The following EZH1 variants were observed in gnomAD, a reference collection of about 807,000 sequenced individuals.
EZH1 encodes histone-lysine N-methyltransferase EZH1.
In EZH1, 33 loss-of-function variants were observed where a neutral mutation model predicts 100.5. That is an observed-to-expected ratio of 0.33 (90% CI 0.25 to 0.44). The LOEUF (loss-of-function observed/expected upper bound fraction) is 0.44, where lower values mean the gene tolerates loss of function less well. Among genes scored for constraint, EZH1 ranks in the 20% least tolerant of loss-of-function variants. The pLI is 1.00. For synonymous variants in EZH1, 272 were observed against 313.8 expected, an observed-to-expected ratio of 0.87 and a Z score of 1.41; for missense variants, 475 against 928.4, an observed-to-expected ratio of 0.51 and a Z score of 6.35.
At chr17:42,707,561 A>G (rs1462920830) in intron 15 of EZH1, among the ~76,000 whole-genome samples, 1 of 151,760 alleles carries the variant, frequency 6.6e-6, no homozygotes, top group Non-Finnish European at 1.5e-5. Context: ...ACCTGGCCTA[A>G]TTTTTTTATT....
intron 18 of EZH1, among the ~76,000 whole-genome samples, chr17:42,704,317 T>C (rs923040952): frequency 3.4e-4 from 51 of 152,204 alleles, no homozygotes; most frequent in African/African-American, 1.2e-3. Context: ...GGCGGGTGGA[T>C]CACTTGAGGC....
At chr17:42,738,045 G>A (rs1051399892) in intron 1 of EZH1, among the ~76,000 whole-genome samples, 1 of 151,740 alleles carries the variant, frequency 6.6e-6, no homozygotes, top group South Asian at 2.1e-4. Flanking sequence ...GCATGGTGGC[G>A]GGCACCTGTA....
chr17:42,727,518 C>A, intron 4 of EZH1, 117 bp downstream of exon 4: 1 of 1,264,364 alleles, frequency 7.9e-7, no homozygotes. Context: ...GCTGGGAATA[C>A]TTGTGTGAGC....
Position 42,706,209 on chromosome 17 carries a change from C to T in EZH1, c.1661-24G>A. The T allele has an allele frequency of 6.3e-7, 1 of 1,587,850 alleles. No individual in the cohort carries two copies. Among genetic ancestry groups the T allele is most frequent in the Non-Finnish European group, 8.6e-7 (1 of 1,162,868 alleles). ...ACCTGGGAAGGGAAGACAGGTAAGT[C>T]TTAGAAGGGAAATAAGCTAATACTG... On this transcript the variant is annotated intron_variant, in intron 15 of 20. Coordinates refer to ENST00000428826, the MANE Select transcript of EZH1 (RefSeq NM_001991.5). The surrounding 1 kb of genome is among the most constrained non-coding windows in gnomAD (Gnocchi z 4.4).
intron 19 of EZH1, 129 bp from the exon 20 acceptor site, chr17:42,703,090 T>G (rs2053277939): frequency 2.4e-6 from 2 of 825,976 alleles, no homozygotes; most frequent in Admixed American, 2.0e-5. Flanking sequence ...AAGTAGTCAA[T>G]ATGGTAGTTG....
At chr17:42,721,955 TC>T (rs1432965632) in intron 6 of EZH1, among the ~76,000 whole-genome samples, 1 of 151,240 alleles carries the variant, frequency 6.6e-6, no homozygotes, top group African/African-American at 2.4e-5. Context: ...ATCGAGACCA[TC>T]CTGGCTCACA....
At chr17:42,704,744 C>G in intron 17 of EZH1, 61 bp from the exon 18 acceptor site, 3 of 1,385,298 alleles carry the variant, frequency 2.2e-6, no homozygotes, top group Non-Finnish European at 3.0e-6. Flanking sequence ...GCATGGTACC[C>G]TGCCCCCAGA....
chr17:42,703,961 A>G (rs2053298133), intron 18 of EZH1, 141 bp from the exon 19 acceptor site: 2 of 684,670 alleles, frequency 2.9e-6, no homozygotes, highest in Non-Finnish European at 5.2e-6. Context: ...TAACAGGAGC[A>G]GAGGAAAGCA....
At chr17:42,726,560 G>A (rs2053825419) in intron 4 of EZH1, among the ~76,000 whole-genome samples, 1 of 151,574 alleles carries the variant, frequency 6.6e-6, no homozygotes, top group East Asian at 1.9e-4. Flanking sequence ...TGCCCAGGCT[G>A]AAGTACAATG....
At chr17:42,734,811 T>C (rs954048792) in intron 1 of EZH1, among the ~76,000 whole-genome samples, 1 of 151,788 alleles carries the variant, frequency 6.6e-6, no homozygotes, top group South Asian at 2.1e-4. Context: ...CTGGCCAACA[T>C]AGTGAAACAC....
At chr17:42,725,326 T>C (rs1390317797) in intron 4 of EZH1, among the ~76,000 whole-genome samples, 3 of 151,874 alleles carry the variant, frequency 2.0e-5, no homozygotes, top group Admixed American at 6.6e-5. Context: ...CTGAGTGCAG[T>C]TGTGCAATCA....
rs201762899 is a variant in EZH1, at chr17:42,702,495, G to A, written c.*37C>T. ...GTGTGAGCACGAAAGCCAAGACAGTGCCGCTACCATAAGTGCTGCCGTGGG... is the reference window on the plus strand; with the variant it reads ...GTGTGAGCACGAAAGCCAAGACAGTACCGCTACCATAAGTGCTGCCGTGGG... On this transcript the variant is annotated 3_prime_UTR_variant, in exon 21 of 21. Transcript: ENST00000428826. The A allele has an allele frequency of 1.1e-4, 164 of 1,516,588 alleles. 1 individual carries two copies. In the African/African-American group the frequency reaches 1.4e-3, roughly 13 times the overall value. 93.9% of individuals were successfully genotyped at this position (1,516,588 alleles called of 1,614,324 possible).
At chr17:42,736,719 A>C (rs1231809873) in intron 1 of EZH1, among the ~76,000 whole-genome samples, 1 of 152,030 alleles carries the variant, frequency 6.6e-6, no homozygotes, top group African/African-American at 2.4e-5. Context: ...TTGTAGTCTC[A>C]GCTGCTTGGA....
intron 12 of EZH1, 67 bp from the exon 13 acceptor site, chr17:42,710,004 G>T (rs1434222865): frequency 7.0e-7 from 1 of 1,426,486 alleles, no homozygotes; most frequent in African/African-American, 1.4e-5. Flanking sequence ...GCCCAGCTGG[G>T]TGCTGGCCTT....
At chr17:42,707,861 A>G in intron 15 of EZH1, 97 bp downstream of exon 15, 1 of 1,434,126 alleles carries the variant, frequency 7.0e-7, no homozygotes, top group Middle Eastern at 1.8e-4. Flanking sequence ...GGATATCAGA[A>G]GGCCATAAGC....
intron 14 of EZH1, 148 bp downstream of exon 14, chr17:42,708,728 G>A (rs2053413116): frequency 1.2e-6 from 1 of 822,140 alleles, no homozygotes; most frequent in Non-Finnish European, 2.1e-6. Flanking sequence ...TGCAGTGAGA[G>A]GCTCAGCTGT....
At chr17:42,731,052 A>C (rs991606978) in intron 1 of EZH1, 134 bp from the exon 2 acceptor site, 1 of 181,192 alleles carries the variant, frequency 5.5e-6, no homozygotes, top group Admixed American at 6.5e-5. Context: ...TGTCTAAGAC[A>C]GGTCCCTATA....
In EZH1 at chr17:42,726,765, C is replaced by T. The variant is rs1056587931; in HGVS notation, c.246+870G>A. On this transcript the variant is annotated intron_variant, in intron 4 of 20. Transcript: ENST00000428826. Reference sequence around the variant, plus strand: ...TTGACCTCAGGTGATCCACCCACCTCGGCCTCCCAAAGTGCTGGGATTACA... The same window carrying T: ...TTGACCTCAGGTGATCCACCCACCTTGGCCTCCCAAAGTGCTGGGATTACA... Among the ~76,000 whole-genome samples, 5 of 152,122 alleles carry T rather than the reference C, an allele frequency of 3.3e-5. No individual in the cohort carries two copies. The South Asian group carries it at 6.2e-4, about 19-fold the overall frequency.
intron 3 of EZH1, among the ~76,000 whole-genome samples, chr17:42,728,088 AT>A (rs2053859464): frequency 6.8e-6 from 1 of 146,560 alleles, no homozygotes; most frequent in Non-Finnish European, 1.5e-5. Context: ...AAGTGCTGGA[AT>A]TACAGGCATG....
Sources: allele counts gnomAD v4.1 joint callset (sites outside exome capture counted in the v4.1 genomes callset), GRCh38; gene constraint gnomAD v4.1.1; non-coding constraint Gnocchi (gnomAD v3.1); transcripts MANE v1.5; gene names NCBI Gene and HGNC (gene_info 2026-07-23, HGNC 2026-07-21).